The following MTHFD1 variants were observed in gnomAD, a reference collection of about 807,000 sequenced individuals.
MTHFD1 encodes methylenetetrahydrofolate dehydrogenase, cyclohydrolase and formyltetrahydrofolate synthetase 1, also known as C-1-tetrahydrofolate synthase, cytoplasmic.
Under a neutral mutation model 110.3 loss-of-function variants are expected in MTHFD1, and 44 were observed. The ratio of observed to expected loss-of-function variants is 0.40; its 90% CI spans 0.31 to 0.51. MTHFD1 has a LOEUF of 0.51. MTHFD1 is among the 20% of genes least tolerant of loss of function. The pLI is 0.60. For missense variants in MTHFD1, 909 were observed against 1,173.1 expected, an observed-to-expected ratio of 0.77 and a Z score of 3.29; for synonymous variants, 402 against 428.8, an observed-to-expected ratio of 0.94 and a Z score of 0.77.
At chr14:64,455,374 G>T (rs1298875242) in intron 26 of MTHFD1, among the ~76,000 whole-genome samples, 1 of 152,198 alleles carries the variant, frequency 6.6e-6, no homozygotes, top group Non-Finnish European at 1.5e-5. Context: ...CTTGAGATAT[G>T]AAAGGTGAGG....
chr14:64,441,573 A>AGGC (rs2078247952), intron 19 of MTHFD1, 120 bp downstream of exon 19: 1 of 833,184 alleles, frequency 1.2e-6, no homozygotes, highest in African/African-American at 1.7e-5. Flanking sequence ...TTGGGAGGCC[A>AGGC]AGGTGGGCAG....
intron 2 of MTHFD1, among the ~76,000 whole-genome samples, chr14:64,403,529 A>T (rs1451083714): frequency 6.6e-6 from 1 of 151,916 alleles, no homozygotes; most frequent in African/African-American, 2.4e-5. Flanking sequence ...CAGCTTCCCA[A>T]AGTGCTGAGA....
intron 21 of MTHFD1, among the ~76,000 whole-genome samples, chr14:64,443,252 C>T (rs973899944): frequency 4.6e-5 from 7 of 152,144 alleles, no homozygotes; most frequent in African/African-American, 1.7e-4. Flanking sequence ...AGTTTTTGTT[C>T]ATATGGGTTA....
intron 2 of MTHFD1, among the ~76,000 whole-genome samples, chr14:64,406,771 T>G (rs554540926): frequency 3.5e-4 from 54 of 152,314 alleles, no homozygotes; most frequent in Admixed American, 5.9e-4. Flanking sequence ...TTTGGATTTT[T>G]GAGTTAGGGA....
At chr14:64,455,456 A>G (rs561258608) in intron 26 of MTHFD1, among the ~76,000 whole-genome samples, 58 of 152,204 alleles carry the variant, frequency 3.8e-4, no homozygotes, top group Non-Finnish European at 7.8e-4. Context: ...TGCATATTCA[A>G]AGAAGAATAT....
chr14:64,411,199 C>T (rs1364372788), intron 3 of MTHFD1, 50 bp downstream of exon 3: 4 of 1,432,364 alleles, frequency 2.8e-6, no homozygotes, highest in East Asian at 2.3e-5. Context: ...CCACCTGGGT[C>T]CTATCGATTA....
chr14:64,418,175 G>A, intron 7 of MTHFD1, 151 bp downstream of exon 7: 1 of 1,005,408 alleles, frequency 9.9e-7, no homozygotes. Flanking sequence ...GGCTGAGTGG[G>A]GTGGCTGACA....
chr14:64,426,278 A>G, intron 11 of MTHFD1, 86 bp downstream of exon 11: 1 of 1,478,148 alleles, frequency 6.8e-7, no homozygotes, highest in Non-Finnish European at 9.4e-7. Flanking sequence ...ACATGTATGT[A>G]GAGGTGCCTT....
At chr14:64,402,640 A>T (rs1333591261) in intron 2 of MTHFD1, among the ~76,000 whole-genome samples, 1 of 152,090 alleles carries the variant, frequency 6.6e-6, no homozygotes, top group Non-Finnish European at 1.5e-5. Flanking sequence ...GTGAGATCCC[A>T]TCTCCACAAA....
intron 12 of MTHFD1, among the ~76,000 whole-genome samples, chr14:64,428,848 A>G (rs2078137978): frequency 6.6e-6 from 1 of 151,632 alleles, no homozygotes; most frequent in South Asian, 2.1e-4. Context: ...CACCGTGCCC[A>G]GCCCACCCTT....
intron 13 of MTHFD1, 71 bp downstream of exon 13, chr14:64,430,301 T>A: frequency 3.0e-6 from 4 of 1,344,664 alleles, no homozygotes; most frequent in Non-Finnish European, 4.3e-6. Context: ...CTGAATTAGC[T>A]CCCTTTTTTT....
chr14:64,406,663 C>G (rs2077938777), intron 2 of MTHFD1, among the ~76,000 whole-genome samples: 1 of 151,710 alleles, frequency 6.6e-6, no homozygotes, highest in South Asian at 2.1e-4. Context: ...GTATTTGAGA[C>G]AGAATTTCTC....
intron 24 of MTHFD1, among the ~76,000 whole-genome samples, chr14:64,450,382 T>C (rs1566576394): frequency 1.3e-5 from 2 of 152,202 alleles, no homozygotes; most frequent in Admixed American, 6.5e-5. Context: ...CACTTCCTGG[T>C]AAGGTGCTGC....
intron 2 of MTHFD1, among the ~76,000 whole-genome samples, chr14:64,402,648 A>C (rs1408869420): frequency 6.6e-6 from 1 of 152,066 alleles, no homozygotes; most frequent in African/African-American, 2.4e-5. Flanking sequence ...CCATCTCCAC[A>C]AAAAAATTAA....
intron 1 of MTHFD1, among the ~76,000 whole-genome samples, chr14:64,391,155 TTTTC>T (rs776976479): frequency 2.6e-5 from 4 of 152,070 alleles, no homozygotes; most frequent in South Asian, 4.2e-4. Flanking sequence ...TTTCTTTTTC[TTTTC>T]TTTCTTTCTT....
At chr14:64,440,565 A>G (rs937479796) in intron 18 of MTHFD1, 1 of 423,752 alleles carries the variant, frequency 2.4e-6, no homozygotes, top group Non-Finnish European at 4.5e-6. Context: ...GAGAACATCA[A>G]GAGTACCATT....
Position 64,412,493 on chromosome 14 carries a change from A to C in MTHFD1, c.208A>C (p.Ile70Leu). The stretch of plus-strand genomic sequence containing the variant: ...GCAGATTGGGATCAAAGCCACTCAC[A>C]TTAAGTTACCAAGAACAACCACAGA... ...AEEIGIKATH[I>L]KLPRTTTESE... Residue 70 changes from isoleucine to leucine, a missense_variant, in exon 4 of 28, where the codon ATT (isoleucine) becomes CTT (leucine). This residue lies in a region of MTHFD1 where 424 missense variants were observed against 510.4 expected (regional missense o/e 0.83). Transcript: ENST00000652337. The C allele has an allele frequency of 6.2e-7, 1 of 1,613,812 alleles. No homozygotes were observed. Among genetic ancestry groups the C allele is most frequent in the Non-Finnish European group, 8.5e-7 (1 of 1,179,720 alleles).
chr14:64,404,248 C>T (rs541824424), intron 2 of MTHFD1, among the ~76,000 whole-genome samples: 1 of 152,290 alleles, frequency 6.6e-6, no homozygotes, highest in African/African-American at 2.4e-5. Context: ...TCTGGGACAC[C>T]ACTGGTTTCC....
intron 21 of MTHFD1, among the ~76,000 whole-genome samples, chr14:64,443,987 A>C (rs1046987776): frequency 1.3e-5 from 2 of 152,040 alleles, no homozygotes; most frequent in Non-Finnish European, 2.9e-5. Flanking sequence ...GCAATGGAAG[A>C]GGGCAGAGCT....
Sources: gnomAD v4.1 joint callset for allele counts (sites outside exome capture counted in the v4.1 genomes callset) on GRCh38, gnomAD v4.1.1 for gene constraint, gnomAD v4.1.1 regional missense constraint, MANE v1.5 for transcripts, NCBI Gene and HGNC (gene_info 2026-07-23, HGNC 2026-07-21) for gene names.